Variants in SCHIP1 observed in about 807,000 individuals in gnomAD.
SCHIP1 encodes schwannomin interacting protein 1.
A neutral mutation model predicts 29.7 loss-of-function variants in SCHIP1; 8 were observed. That is an observed-to-expected ratio of 0.27 (90% CI 0.16 to 0.49). The LOEUF (loss-of-function observed/expected upper bound fraction) is 0.49. Ranked by LOEUF, SCHIP1 falls within the 20% of genes least tolerant of loss-of-function variation. The pLI is 0.99. For missense variants in SCHIP1, 193 were observed against 294.6 expected, an observed-to-expected ratio of 0.66 and a Z score of 2.52; for synonymous variants, 76 against 94.9, an observed-to-expected ratio of 0.80 and a Z score of 1.16.
At chr3:159,405,864 T>C in the SCHIP1 span, among the ~76,000 whole-genome samples, 4 of 133,662 alleles carry the variant, frequency 3.0e-5, no homozygotes, top group African/African-American at 1.2e-4. Context: ...GCCTAGGCAA[T>C]AGAGTGAGAC....
At chr3:159,651,391 T>A in the SCHIP1 span, among the ~76,000 whole-genome samples, 1 of 152,166 alleles carries the variant, frequency 6.6e-6, no homozygotes, top group Non-Finnish European at 1.5e-5. Context: ...AGTGTCCCCA[T>A]GCACTTGAAT....
At chr3:159,524,273 T>A in the SCHIP1 span, among the ~76,000 whole-genome samples, 36 of 152,212 alleles carry the variant, frequency 2.4e-4, no homozygotes, top group African/African-American at 7.5e-4. Flanking sequence ...TCACAGTGAG[T>A]GCTTATTTCT....
chr3:159,750,940 A>G, the SCHIP1 span, among the ~76,000 whole-genome samples: 3 of 152,206 alleles, frequency 2.0e-5, no homozygotes, highest in Non-Finnish European at 4.4e-5. Context: ...TTTCTAGGTT[A>G]AAAATAACAA....
chr3:159,680,374 C>T, the SCHIP1 span, among the ~76,000 whole-genome samples: 3 of 148,378 alleles, frequency 2.0e-5, no homozygotes, highest in South Asian at 4.2e-4. Flanking sequence ...CTGGGTGTGG[C>T]GGGGTGTGCC....
the SCHIP1 span, among the ~76,000 whole-genome samples, chr3:159,747,213 C>G: frequency 6.6e-6 from 1 of 152,196 alleles, no homozygotes; most frequent in Admixed American, 6.5e-5. Flanking sequence ...CAAGGGACTT[C>G]TCTAGAAGTC....
intron 2 of SCHIP1, 22 bp from the exon 4 acceptor site, chr3:159,886,185 T>C (rs1365629330): frequency 3.1e-6 from 5 of 1,613,092 alleles, no homozygotes; most frequent in African/African-American, 1.3e-5. Context: ...GTAGAACTAG[T>C]GTCCTGTTTG....
the SCHIP1 span, among the ~76,000 whole-genome samples, chr3:159,704,917 TTTCTTTCTTTCTTTC>T: frequency 2.9e-5 from 4 of 138,930 alleles, no homozygotes; most frequent in Admixed American, 7.1e-5. Context: ...TATTTCTTTC[TTTCTTTCTTTCTTTC>T]TTTCTTTCCT....
chr3:159,667,899 C>G, the SCHIP1 span, among the ~76,000 whole-genome samples: 13,461 of 152,224 alleles, frequency 0.088, 1,763 homozygotes, highest in African/African-American at 0.28. Context: ...CATTATCATA[C>G]CCATTCTATT....
At chr3:159,613,788 T>G in the SCHIP1 span, among the ~76,000 whole-genome samples, 1 of 152,208 alleles carries the variant, frequency 6.6e-6, no homozygotes, top group African/African-American at 2.4e-5. Context: ...GAAGTTAACA[T>G]GCAGATGTGA....
chr3:159,400,606 G>C, the SCHIP1 span, among the ~76,000 whole-genome samples: 1 of 152,184 alleles, frequency 6.6e-6, no homozygotes, highest in Non-Finnish European at 1.5e-5. Flanking sequence ...TACTACAACA[G>C]TATCATGCCT....
chr3:159,374,861 C>T, the SCHIP1 span, among the ~76,000 whole-genome samples: 1 of 152,110 alleles, frequency 6.6e-6, no homozygotes, highest in African/African-American at 2.4e-5. Flanking sequence ...GGCTATAGAG[C>T]ACTTCAGTTG....
At chr3:159,877,817 A>T (rs1462872451) in intron 2 of SCHIP1, among the ~76,000 whole-genome samples, 1 of 152,248 alleles carries the variant, frequency 6.6e-6, no homozygotes, top group Admixed American at 6.5e-5. Flanking sequence ...TGAGCTGAGC[A>T]GAATAAATAG....
the SCHIP1 span, among the ~76,000 whole-genome samples, chr3:159,434,881 G>A: frequency 6.6e-6 from 1 of 152,108 alleles, no homozygotes; most frequent in East Asian, 1.9e-4. Context: ...GGCATTGTGT[G>A]ATTCTCTGCA....
At chr3:159,299,812 C>T in the SCHIP1 span, among the ~76,000 whole-genome samples, 4,398 of 152,236 alleles carry the variant, frequency 0.029, 129 homozygotes, top group African/African-American at 0.081. Flanking sequence ...GCCTTGTCTA[C>T]CGTGTGAGGG....
At chr3:159,798,418 C>A in the SCHIP1 span, among the ~76,000 whole-genome samples, 1 of 152,002 alleles carries the variant, frequency 6.6e-6, no homozygotes. Context: ...AGTTATTTTT[C>A]CTTATCTTTT....
chr3:159,617,793 A>T, the SCHIP1 span, among the ~76,000 whole-genome samples: 1 of 152,164 alleles, frequency 6.6e-6, no homozygotes, highest in Non-Finnish European at 1.5e-5. Context: ...GTGCTTATGA[A>T]CAATAAATTT....
chr3:159,844,947 A>G (rs570117745), intron 1 of SCHIP1, among the ~76,000 whole-genome samples: 1 of 152,338 alleles, frequency 6.6e-6, no homozygotes, highest in South Asian at 2.1e-4. Flanking sequence ...CTCCCTTGGG[A>G]GCATAAAGAG....
At chr3:159,452,918 C>T in the SCHIP1 span, among the ~76,000 whole-genome samples, 4 of 152,158 alleles carry the variant, frequency 2.6e-5, no homozygotes, top group Admixed American at 2.6e-4. Flanking sequence ...TATCAGATGG[C>T]AATAAATTGC....
the SCHIP1 span, among the ~76,000 whole-genome samples, chr3:159,504,222 T>C: frequency 2.6e-5 from 4 of 152,182 alleles, no homozygotes; most frequent in Admixed American, 6.5e-5. Context: ...AATCCTGTTA[T>C]AGGAAACATT....
Sources: gnomAD v4.1 joint callset for allele counts (sites outside exome capture counted in the v4.1 genomes callset) on GRCh38, gnomAD v4.1.1 for gene constraint, MANE v1.5 for transcripts, NCBI Gene and HGNC (gene_info 2026-07-23, HGNC 2026-07-21) for gene names.